ATG7: variants seen among roughly 807,000 people sequenced by gnomAD.
ATG7 encodes the protein autophagy related 7, also known as ubiquitin-like modifier-activating enzyme ATG7.
A neutral mutation model predicts 82.4 loss-of-function variants in ATG7; 70 were observed. The ratio of observed to expected loss-of-function variants is 0.85; its 90% CI spans 0.70 to 1.04. ATG7 has a LOEUF of 1.04. Among genes scored for constraint, ATG7 ranks in the 50% least tolerant of loss-of-function variants. The pLI is 0.00. For missense variants in ATG7, 792 were observed against 864.3 expected, an observed-to-expected ratio of 0.92 and a Z score of 1.05; for synonymous variants, 287 against 313.0, an observed-to-expected ratio of 0.92 and a Z score of 0.88.
At chr3:11,400,268 C>G (rs1224409072) in intron 19 of ATG7, among the ~76,000 whole-genome samples, 1 of 152,080 alleles carries the variant, frequency 6.6e-6, no homozygotes, top group Non-Finnish European at 1.5e-5. Context: ...AATAATTTAC[C>G]CACCCACACC....
intron 14 of ATG7, among the ~76,000 whole-genome samples, chr3:11,356,978 A>C (rs1434096718): frequency 6.6e-6 from 1 of 152,016 alleles, no homozygotes; most frequent in African/African-American, 2.4e-5. Flanking sequence ...TTCCTTTTGA[A>C]ATTGTTGTTC....
At chr3:11,566,008 T>C in the ATG7 span, among the ~76,000 whole-genome samples, 2 of 152,226 alleles carry the variant, frequency 1.3e-5, no homozygotes, top group Non-Finnish European at 2.9e-5. Flanking sequence ...TGGTGAATTA[T>C]GATTTGAGTG....
At chr3:11,402,457 A>G (rs1011693923) in intron 19 of ATG7, among the ~76,000 whole-genome samples, 2 of 152,164 alleles carry the variant, frequency 1.3e-5, no homozygotes, top group East Asian at 3.8e-4. Flanking sequence ...AAAAAGAAAT[A>G]CTGGATAAGC....
chr3:11,405,817 G>A (rs61549280), intron 19 of ATG7, among the ~76,000 whole-genome samples: 3,072 of 151,596 alleles, frequency 0.02, 105 homozygotes, highest in African/African-American at 0.07. Context: ...ATGGGGTTTC[G>A]CTGTGTTTCC....
intron 19 of ATG7, among the ~76,000 whole-genome samples, chr3:11,405,213 C>T (rs2080213579): frequency 2.0e-5 from 3 of 152,258 alleles, no homozygotes; most frequent in Middle Eastern, 6.8e-3. Flanking sequence ...ATCTTCCTGA[C>T]ACCATACAGG....
intron 20 of ATG7, among the ~76,000 whole-genome samples, chr3:11,551,335 C>T (rs151163734): frequency 6.6e-6 from 1 of 152,326 alleles, no homozygotes; most frequent in Non-Finnish European, 1.5e-5. Context: ...GCTCGCCCGG[C>T]TCCAGAAAAC....
At chr3:11,559,390 G>T, downstream of ATG7, 1 of 1,559,688 alleles carries the variant, frequency 6.4e-7, no homozygotes, top group African/African-American at 1.4e-5. Context: ...TGTGCGCGAT[G>T]GGGCAGTGCG....
intron 20 of ATG7, among the ~76,000 whole-genome samples, chr3:11,519,397 T>C (rs2092371266): frequency 6.6e-6 from 1 of 152,116 alleles, no homozygotes; most frequent in African/African-American, 2.4e-5. Flanking sequence ...CAGATTTTGT[T>C]TTGATGCTAT....
intron 10 of ATG7, chr3:11,332,706 A>C: frequency 3.9e-6 from 1 of 255,208 alleles, no homozygotes; most frequent in Non-Finnish European, 7.3e-6. Context: ...TGTCGGAATT[A>C]TTTATGTGCA....
At chr3:11,506,491 G>A (rs1235242247) in intron 20 of ATG7, among the ~76,000 whole-genome samples, 1 of 148,786 alleles carries the variant, frequency 6.7e-6, no homozygotes, top group South Asian at 2.1e-4. Context: ...GCCAAGGTGG[G>A]CAGATCACTT....
chr3:11,426,042 GTTT>G (rs757075544), intron 19 of ATG7, among the ~76,000 whole-genome samples: 6,093 of 152,264 alleles, frequency 0.04, 166 homozygotes, highest in Middle Eastern at 0.095. Flanking sequence ...ATGGTTTCTA[GTTT>G]TGGGCTATCA....
chr3:11,391,895 A>G (rs558768586), intron 19 of ATG7, among the ~76,000 whole-genome samples: 1 of 144,918 alleles, frequency 6.9e-6, no homozygotes, highest in Admixed American at 7.1e-5. Context: ...TTTCTACCAT[A>G]TTAATCATCT....
At chr3:11,488,444 C>G in intron 20 of ATG7, 4 of 1,258,634 alleles carry the variant, frequency 3.2e-6, no homozygotes, top group Non-Finnish European at 4.1e-6. Flanking sequence ...GCGGCGGCTG[C>G]GGTCGGTCGC....
intron 20 of ATG7, among the ~76,000 whole-genome samples, chr3:11,434,315 CA>C (rs1280582832): frequency 9.2e-5 from 14 of 152,232 alleles, no homozygotes; most frequent in African/African-American, 3.4e-4. Flanking sequence ...ACCCCCGTGT[CA>C]GCACTCAGAC....
At chr3:11,429,931 G>A (rs2152949842) in intron 20 of ATG7, among the ~76,000 whole-genome samples, 1 of 143,864 alleles carries the variant, frequency 7.0e-6, no homozygotes, top group African/African-American at 2.6e-5. Context: ...GGGCGACAGA[G>A]CGAGACTCTG....
chr3:11,503,382 A>G (rs1389434211), intron 20 of ATG7, among the ~76,000 whole-genome samples: 1 of 152,230 alleles, frequency 6.6e-6, no homozygotes, highest in African/African-American at 2.4e-5. Flanking sequence ...GTTCTCAGTA[A>G]GAACATATAA....
intron 19 of ATG7, among the ~76,000 whole-genome samples, chr3:11,386,167 G>A (rs13323369): frequency 6.6e-5 from 10 of 152,044 alleles, no homozygotes; most frequent in African/African-American, 1.7e-4. Context: ...CACTCTGCCC[G>A]CCTTCATTTA....
At chr3:11,393,004 G>A (rs1410549453) in intron 19 of ATG7, among the ~76,000 whole-genome samples, 3 of 152,172 alleles carry the variant, frequency 2.0e-5, no homozygotes, top group South Asian at 2.1e-4. Flanking sequence ...TGTATCTCAC[G>A]TCAAAGTTTA....
intron 10 of ATG7, chr3:11,332,627 G>C (rs1951813501): frequency 6.3e-6 from 1 of 157,514 alleles, no homozygotes; most frequent in Admixed American, 6.5e-5. Flanking sequence ...GGAACCAAAA[G>C]AACCCACGTC....
Sources: allele counts gnomAD v4.1 joint callset (sites outside exome capture counted in the v4.1 genomes callset), GRCh38; gene constraint gnomAD v4.1.1; transcripts MANE v1.5; gene names NCBI Gene and HGNC (gene_info 2026-07-23, HGNC 2026-07-21).